HYDIN: variants seen among roughly 807,000 people sequenced by gnomAD.
The protein encoded by HYDIN is axonemal central pair apparatus protein HYDIN.
HYDIN carries 132 observed loss-of-function variants against 403.9 expected under a neutral mutation model. That is an observed-to-expected ratio of 0.33 (90% CI 0.28 to 0.38). HYDIN has a LOEUF of 0.38. HYDIN is among the 10% of genes least tolerant of loss of function. The pLI, the probability that HYDIN is intolerant of heterozygous loss-of-function variation, is 1.00. For synonymous variants in HYDIN, 1,202 were observed against 1,891.7 expected (o/e 0.64, Z 9.46); for missense variants, 2,827 against 5,009.5 (o/e 0.56, Z 13.15).
chr16:70,923,355 C>T, intron 45 of HYDIN, among the ~76,000 whole-genome samples: 1 of 138,546 alleles, frequency 7.2e-6, no homozygotes, highest in Non-Finnish European at 1.6e-5. Context: ...GTAATCTCAG[C>T]TACTTGGGAG....
At chr16:71,048,615 A>T (rs1300380264) in intron 18 of HYDIN, among the ~76,000 whole-genome samples, 1 of 151,142 alleles carries the variant, frequency 6.6e-6, no homozygotes, top group Non-Finnish European at 1.5e-5. Context: ...AGGCAAAGAT[A>T]AAAAATGTAG....
chr16:70,829,501 T>C (rs1478587010), intron 81 of HYDIN, 117 bp downstream of exon 81: 1 of 762,972 alleles, frequency 1.3e-6, no homozygotes, highest in Non-Finnish European at 2.2e-6. Context: ...CCCAAAGTGC[T>C]GGGATTACAG....
At chr16:71,175,798 C>T (rs1418057133) in intron 4 of HYDIN, 57 bp from the exon 5 acceptor site, 2 of 1,578,376 alleles carry the variant, frequency 1.3e-6, no homozygotes, top group Non-Finnish European at 1.7e-6. Context: ...GAGTTAAACA[C>T]AGACTGAAAT....
At chr16:71,149,053 G>C (rs1428487369) in intron 7 of HYDIN, among the ~76,000 whole-genome samples, 1 of 127,230 alleles carries the variant, frequency 7.9e-6, no homozygotes, top group Non-Finnish European at 1.6e-5. Context: ...GCCCGGCCAA[G>C]AATATATTTT....
At chr16:71,009,253 G>A (rs2079994911) in intron 23 of HYDIN, among the ~76,000 whole-genome samples, 1 of 144,380 alleles carries the variant, frequency 6.9e-6, no homozygotes, top group African/African-American at 2.7e-5. Flanking sequence ...TAATATGGCA[G>A]AGGGCAGAGC....
At chr16:71,010,677 C>G (rs1051631421) in intron 23 of HYDIN, among the ~76,000 whole-genome samples, 6 of 152,222 alleles carry the variant, frequency 3.9e-5, no homozygotes, top group African/African-American at 1.4e-4. Context: ...AAGTCTGACT[C>G]GGACACCAGC....
intron 24 of HYDIN, 96 bp downstream of exon 24, chr16:70,991,974 G>C (rs2079367695): frequency 1.3e-6 from 2 of 1,583,476 alleles, no homozygotes; most frequent in South Asian, 1.2e-5. Flanking sequence ...CTGGGTACTG[G>C]ATGAATGAAC....
intron 52 of HYDIN, 116 bp downstream of exon 52, chr16:70,903,509 A>G (rs1440410501): frequency 2.3e-5 from 1 of 43,998 alleles, no homozygotes; most frequent in Non-Finnish European, 4.6e-5. Context: ...CCCAGGGTGC[A>G]GAACTTTCAG....
At chr16:70,944,887 G>C (rs553156097) in intron 41 of HYDIN, among the ~76,000 whole-genome samples, 5 of 152,282 alleles carry the variant, frequency 3.3e-5, no homozygotes, top group Admixed American at 6.5e-5. Context: ...CAAGTAGCTG[G>C]AATTACAGGT....
intron 75 of HYDIN, among the ~76,000 whole-genome samples, chr16:70,843,176 A>C: frequency 7.7e-6 from 1 of 130,694 alleles, no homozygotes; most frequent in Non-Finnish European, 1.6e-5. Context: ...ATATCTCCCA[A>C]TGCTATCCCT....
intron 65 of HYDIN, among the ~76,000 whole-genome samples, chr16:70,871,386 T>C (rs1222768711): frequency 6.6e-6 from 1 of 152,150 alleles, no homozygotes; most frequent in Non-Finnish European, 1.5e-5. Flanking sequence ...GTGCCAGTGC[T>C]CTGGGAACTC....
chr16:71,173,871 T>C (rs1481125672), intron 5 of HYDIN, among the ~76,000 whole-genome samples: 8 of 152,152 alleles, frequency 5.3e-5, no homozygotes, highest in Non-Finnish European at 1.2e-4. Flanking sequence ...GAAGACCTAT[T>C]TTCTCCAGCA....
Position 70,964,717 on chromosome 16 carries a change from T to A in HYDIN, c.5788+11A>T. On this transcript the variant is annotated intron_variant, in intron 37 of 85. Coordinates refer to ENST00000393567, the MANE Select transcript of HYDIN (RefSeq NM_001270974.2). ...GGTTAGCATGAGGTGTTCTCCACAT[T>A]GAGTTCTCACCATTCTCCTGTGCCA... 6.2e-7 allele frequency: 1 copy of A among 1,612,308 alleles called. No homozygotes were observed. Among genetic ancestry groups the A allele is most frequent in the Non-Finnish European group, 8.5e-7 (1 of 1,178,528 alleles).
intron 12 of HYDIN, among the ~76,000 whole-genome samples, chr16:71,084,830 G>C (rs195636): frequency 6.7e-6 from 1 of 149,278 alleles, no homozygotes; most frequent in Non-Finnish European, 1.5e-5. Context: ...TTTGGTAAAT[G>C]CTTTTTCTGT....
At chr16:71,208,957 G>T (rs933736329) in intron 1 of HYDIN, among the ~76,000 whole-genome samples, 1 of 151,996 alleles carries the variant, frequency 6.6e-6, no homozygotes, top group African/African-American at 2.4e-5. Flanking sequence ...GCCAAATTCT[G>T]CCAGATGTAC....
At chr16:71,081,257 C>A (rs1745955393) in intron 12 of HYDIN, among the ~76,000 whole-genome samples, 1 of 152,020 alleles carries the variant, frequency 6.6e-6, no homozygotes, top group African/African-American at 2.4e-5. Context: ...TCAGCTCTGA[C>A]TATAATGTGA....
intron 43 of HYDIN, among the ~76,000 whole-genome samples, chr16:70,940,308 T>C (rs1343452259): frequency 6.6e-6 from 1 of 151,350 alleles, no homozygotes; most frequent in Non-Finnish European, 1.5e-5. Flanking sequence ...GTTTGAGCTG[T>C]GGACTCAGAC....
chr16:71,158,536 CA>C (rs2085869774), intron 6 of HYDIN, among the ~76,000 whole-genome samples: 1 of 148,538 alleles, frequency 6.7e-6, no homozygotes, highest in Non-Finnish European at 1.5e-5. Context: ...CCAAACAGCG[CA>C]GGAAGATATG....
At chr16:70,875,051 A>T (rs1225523801) in intron 62 of HYDIN, 132 bp from the exon 63 acceptor site, 1 of 1,051,326 alleles carries the variant, frequency 9.5e-7, no homozygotes, top group Non-Finnish European at 1.3e-6. Context: ...CACTTTTTTG[A>T]ATTTCTTAAG....
Sources: gnomAD v4.1 joint callset for allele counts (sites outside exome capture counted in the v4.1 genomes callset) on GRCh38, gnomAD v4.1.1 for gene constraint, MANE v1.5 for transcripts, NCBI Gene and HGNC (gene_info 2026-07-23, HGNC 2026-07-21) for gene names.